Variants in GPHN observed in about 807,000 individuals in gnomAD.
GPHN encodes the protein gephyrin.
GPHN carries 17 observed loss-of-function variants against 95.5 expected under a neutral mutation model. That is an observed-to-expected ratio of 0.18 (90% CI 0.12 to 0.27). The LOEUF (loss-of-function observed/expected upper bound fraction) is 0.27. Ranked by LOEUF, GPHN falls within the 10% of genes least tolerant of loss-of-function variation. GPHN has a pLI of 1.00. For missense variants in GPHN, 660 were observed against 978.1 expected, an observed-to-expected ratio of 0.67 and a Z score of 4.34; for synonymous variants, 320 against 322.5, an observed-to-expected ratio of 0.99 and a Z score of 0.08.
intron 10 of GPHN, among the ~76,000 whole-genome samples, chr14:67,057,406 A>T (rs1324035812): frequency 9.4e-6 from 1 of 106,204 alleles, no homozygotes; most frequent in South Asian, 3.6e-4. Flanking sequence ...ACATGGGCAC[A>T]TGGGTGGGGG....
At chr14:66,915,808 C>G (rs2065868519) in intron 5 of GPHN, among the ~76,000 whole-genome samples, 195 bp from the exon 6 acceptor site, 1 of 152,078 alleles carries the variant, frequency 6.6e-6, no homozygotes, top group African/African-American at 2.4e-5. Flanking sequence ...TCCAATTTGC[C>G]ATACTAACCA....
At chr14:66,612,797 A>G (rs1364534207) in intron 1 of GPHN, among the ~76,000 whole-genome samples, 1 of 152,054 alleles carries the variant, frequency 6.6e-6, no homozygotes, top group African/African-American at 2.4e-5. Flanking sequence ...CTTTCCATGT[A>G]AATGGAATTA....
At chr14:66,980,474 ACT>A (rs1376511855) in intron 9 of GPHN, among the ~76,000 whole-genome samples, 1 of 152,096 alleles carries the variant, frequency 6.6e-6, no homozygotes, top group Non-Finnish European at 1.5e-5. Context: ...CCACATAATA[ACT>A]CTTTTATTAA....
At chr14:67,056,509 C>G (rs1337962290) in intron 10 of GPHN, among the ~76,000 whole-genome samples, 2 of 152,070 alleles carry the variant, frequency 1.3e-5, no homozygotes, top group African/African-American at 4.8e-5. Flanking sequence ...TAAAAGTTCT[C>G]TAAGTCCCCA....
In GPHN at chr14:67,168,944, T is replaced by C. The variant is rs762085852; in HGVS notation, c.1987T>C (p.Ser663Pro). Residue 663 changes from serine (S) to proline (P), a missense_variant, in exon 21 of 23, where the codon TCG (serine) becomes CCG (proline). This residue lies in a region of GPHN where 257 missense variants were observed against 376.2 expected (regional missense o/e 0.68). Transcript: ENST00000478722. ...IIFALPGNPV[S>P]AVVTCNLFVV... is the part of the protein sequence containing the mutation. ...TGGTTGACTTTCAGGGAATCCTGTA[T>C]CGGCTGTGGTCACCTGCAATCTCTT... 9.9e-6 allele frequency: 16 copies of C among 1,608,428 alleles called. No individual in the cohort carries two copies. The highest frequency in any genetic ancestry group is 7.7e-6 in the Non-Finnish European group (9 of 1,174,784).
At chr14:67,507,160 G>A in the GPHN span, among the ~76,000 whole-genome samples, 3 of 152,138 alleles carry the variant, frequency 2.0e-5, no homozygotes, top group Non-Finnish European at 4.4e-5. Context: ...TTATACTCTC[G>A]CTAACACTGA....
intron 2 of GPHN, among the ~76,000 whole-genome samples, chr14:66,741,332 T>G (rs1242179728): frequency 6.6e-6 from 1 of 152,246 alleles, no homozygotes; most frequent in African/African-American, 2.4e-5. Flanking sequence ...TGAATGTCTT[T>G]TGTGTGCTAC....
At chr14:66,586,265 T>G (rs969909649) in intron 1 of GPHN, among the ~76,000 whole-genome samples, 4 of 152,128 alleles carry the variant, frequency 2.6e-5, no homozygotes, top group African/African-American at 9.7e-5. Context: ...CATCCCTTTA[T>G]TTTGAGCCTA....
At chr14:66,909,177 G>T (rs2065542282) in intron 5 of GPHN, among the ~76,000 whole-genome samples, 1 of 152,026 alleles carries the variant, frequency 6.6e-6, no homozygotes, top group Admixed American at 6.6e-5. Flanking sequence ...GCATTTTTCT[G>T]TAAATCCAAA....
At chr14:66,536,897 A>G (rs1430698414) in intron 1 of GPHN, among the ~76,000 whole-genome samples, 1 of 152,080 alleles carries the variant, frequency 6.6e-6, no homozygotes, top group East Asian at 1.9e-4. Context: ...TAGTTCTTTC[A>G]GTTTTCCCCT....
At chr14:67,555,653 G>A in the GPHN span, among the ~76,000 whole-genome samples, 4 of 152,192 alleles carry the variant, frequency 2.6e-5, no homozygotes, top group Admixed American at 2.0e-4. Flanking sequence ...CAGGATTAGG[G>A]AGCTGAGAGT....
the GPHN span, chr14:67,724,413 G>C: frequency 3.6e-6 from 3 of 840,646 alleles, no homozygotes; most frequent in Non-Finnish European, 5.6e-6. Context: ...TTTTTTTAAC[G>C]TATCTTAGTG....
chr14:67,594,638 T>C, the GPHN span, among the ~76,000 whole-genome samples: 1 of 148,808 alleles, frequency 6.7e-6, no homozygotes. Context: ...GATGACAGAG[T>C]GAGACATCTC....
intron 1 of GPHN, among the ~76,000 whole-genome samples, chr14:66,621,209 T>C (rs2063281731): frequency 6.6e-6 from 1 of 151,070 alleles, no homozygotes; most frequent in Non-Finnish European, 1.5e-5. Flanking sequence ...TTTCCTGACC[T>C]CATGATCCGC....
chr14:67,701,302 A>G, the GPHN span, among the ~76,000 whole-genome samples: 1 of 151,882 alleles, frequency 6.6e-6, no homozygotes, highest in Non-Finnish European at 1.5e-5. Flanking sequence ...CTTTAAGACA[A>G]TGTTATTTTA....
chr14:66,603,275 C>T (rs900592130), intron 1 of GPHN, among the ~76,000 whole-genome samples: 1 of 151,776 alleles, frequency 6.6e-6, no homozygotes, highest in South Asian at 2.1e-4. Context: ...ATCCCTCTAT[C>T]CAGAAATAGT....
chr14:66,757,125 G>T (rs2058585095), intron 2 of GPHN, among the ~76,000 whole-genome samples: 1 of 152,134 alleles, frequency 6.6e-6, no homozygotes, highest in Non-Finnish European at 1.5e-5. Flanking sequence ...TATGTATGAG[G>T]TGGAGGTGGG....
At chr14:67,669,725 C>T in the GPHN span, among the ~76,000 whole-genome samples, 9 of 152,182 alleles carry the variant, frequency 5.9e-5, no homozygotes, top group African/African-American at 2.2e-4. Context: ...ACCCAGTTGA[C>T]CAAGTGAAAA....
chr14:67,198,921 A>T, the GPHN span: 1 of 698,166 alleles, frequency 1.4e-6, no homozygotes, highest in Non-Finnish European at 2.6e-6. Context: ...TCCATAACAA[A>T]GTCTAACACT....
Sources: gnomAD v4.1 joint callset for allele counts (sites outside exome capture counted in the v4.1 genomes callset) on GRCh38, gnomAD v4.1.1 for gene constraint, gnomAD v4.1.1 regional missense constraint, MANE v1.5 for transcripts, NCBI Gene and HGNC (gene_info 2026-07-23, HGNC 2026-07-21) for gene names.